CNGA3: variants seen among roughly 807,000 people sequenced by gnomAD.
CNGA3 encodes cyclic nucleotide gated channel subunit alpha 3, also known as cyclic nucleotide-gated channel alpha-3.
A neutral mutation model predicts 46.6 loss-of-function variants in CNGA3; 42 were observed. That is an observed-to-expected ratio of 0.90 (90% confidence interval 0.70 to 1.17). The LOEUF (loss-of-function observed/expected upper bound fraction) is 1.17, where lower values mean the gene tolerates loss of function less well. Ranked by LOEUF, CNGA3 falls within the 50% of genes most tolerant of loss-of-function variation. CNGA3 has a pLI of 0.00. For synonymous variants in CNGA3, 394 were observed against 369.4 expected, an observed-to-expected ratio of 1.07 and a Z score of -0.76; for missense variants, 893 against 890.7, an observed-to-expected ratio of 1.00 and a Z score of -0.03.
At chr2:98,386,977 C>G (rs1692668974) in intron 5 of CNGA3, among the ~76,000 whole-genome samples, 1 of 152,208 alleles carries the variant, frequency 6.6e-6, no homozygotes, top group East Asian at 1.9e-4. Context: ...GTGAGATCCA[C>G]AGTAGACTTC....
At position 98,396,206 on chromosome 2, in the gene CNGA3, G is replaced by T. The variant is rs775262372; in HGVS notation, c.1036G>T (p.Gly346Trp). The change falls in exon 8 of 8, where the codon GGG (glycine) becomes TGG (tryptophan). Residue 346 changes from glycine to tryptophan, a missense_variant. By Grantham distance (184) the Gly-to-Trp change is radical. Around this residue, in one of 3 missense-constraint regions of CNGA3, gnomAD observed 548 missense variants for 570.8 expected, o/e 0.96. Coordinates refer to ENST00000272602, the MANE Select transcript of CNGA3 (RefSeq NM_001298.3). ...CCCAAACATCTCAATCCCAGAGCAT[G>T]GGCGCCTCTCCAGGAAGTACATTTA... The part of the protein sequence containing the change: ...VYPNISIPEH[G>W]RLSRKYIYSL... 3.7e-6 allele frequency: 6 copies of T among 1,614,160 alleles called. No homozygotes were observed. Among genetic ancestry groups the T allele is most frequent in the Non-Finnish European group, 5.1e-6 (6 of 1,180,030 alleles).
chr2:98,361,188 C>T (rs2104147529), intron 1 of CNGA3, among the ~76,000 whole-genome samples: 1 of 152,154 alleles, frequency 6.6e-6, no homozygotes, highest in Admixed American at 6.5e-5. Flanking sequence ...CCCTGCCACC[C>T]CTGGAGAGGC....
In CNGA3 at chr2:98,398,351, T is replaced by C. The variant is rs1015274731; in HGVS notation, c.*1096T>C. The stretch of plus-strand genomic sequence containing the variant: ...AGATTTATATTTTTGAGTTCCGTGA[T>C]TGCAAATTATGACCTCAAATTCCAT... On this transcript the variant is annotated 3_prime_UTR_variant, in exon 8 of 8. Transcript: ENST00000272602. 2 of 152,216 alleles carry C rather than the reference T, an allele frequency of 1.3e-5. No individual in the cohort carries two copies. Among genetic ancestry groups the C allele is most frequent in the African/African-American group, 4.8e-5 (2 of 41,452 alleles). The allele number at this position is 152,216 out of a possible 1,614,324, so 9.4% of individuals were successfully genotyped here.
At position 98,396,841 on chromosome 2, in the gene CNGA3, G is replaced by A; in HGVS notation, c.1671G>A (p.Gly557=). 7 of 1,614,170 alleles carry A rather than the reference G, an allele frequency of 4.3e-6. No individual in the cohort carries two copies. The Middle Eastern group carries it at 8.2e-4, about 190-fold the overall frequency. Residue 557 remains glycine (G), a synonymous_variant, in exon 8 of 8, where the codon GGG becomes GGA. Transcript: ENST00000272602. The part of the protein sequence containing the change: ...FGEISILNIK[G]SKSGNRRTAN... ...AGATCAGCATTCTGAACATCAAGGG[G>A]AGCAAGTCGGGGAACCGCAGGACGG...
At chr2:98,386,977 CAGT>C (rs1191659979) in intron 5 of CNGA3, among the ~76,000 whole-genome samples, 15 of 152,208 alleles carry the variant, frequency 9.9e-5, no homozygotes, top group Non-Finnish European at 1.8e-4. Context: ...GTGAGATCCA[CAGT>C]AGACTTCTGA....
At chr2:98,347,485 T>C (rs537271777) in intron 1 of CNGA3, among the ~76,000 whole-genome samples, 20 of 152,270 alleles carry the variant, frequency 1.3e-4, no homozygotes, top group African/African-American at 4.8e-4. Context: ...CCCTGTGTAA[T>C]CTCCCTACTG....
chr2:98,393,340 G>A (rs543502391), intron 7 of CNGA3, among the ~76,000 whole-genome samples: 10 of 152,314 alleles, frequency 6.6e-5, no homozygotes, highest in Admixed American at 2.0e-4. Context: ...TTTCAAGTGC[G>A]TCTTGCTTCT....
chr2:98,351,331 G>A (rs1276433425), intron 1 of CNGA3, among the ~76,000 whole-genome samples: 2 of 152,204 alleles, frequency 1.3e-5, no homozygotes, highest in Non-Finnish European at 2.9e-5. Flanking sequence ...GAGGGACCCA[G>A]TGGGAGGTAA....
In CNGA3 at chr2:98,398,429, T is replaced by TCTTTCCTTTTTCCTTTCTTCTTC. The variant is rs1692974870; in HGVS notation, c.*1186_*1208dup. The TCTTTCCTTTTTCCTTTCTTCTTC allele has an allele frequency of 1.3e-5, 2 of 152,232 alleles. No homozygotes were observed. 9.4% of individuals were successfully genotyped at this position (152,232 alleles called of 1,614,324 possible). A position where few individuals can be genotyped will look rare whatever the true frequency, so the allele number is the denominator to read the frequency against. ...TACCCAAAGATGAGTCTTTCTTCTT[T>TCTTTCCTTTTTCCTTTCTTCTTC]CTTTCCTTTTTCCTTTCTTCTTCCT... On this transcript the variant is annotated 3_prime_UTR_variant, in exon 8 of 8. Transcript: ENST00000272602.
intron 3 of CNGA3, chr2:98,378,284 C>A: frequency 1.4e-6 from 2 of 1,458,152 alleles, no homozygotes; most frequent in Admixed American, 2.3e-5. Flanking sequence ...TCTGCTTCCC[C>A]CTGATGACAT....
chr2:98,394,761 C>G (rs557553209), intron 7 of CNGA3, among the ~76,000 whole-genome samples: 1 of 152,348 alleles, frequency 6.6e-6, no homozygotes, highest in Non-Finnish European at 1.5e-5. Flanking sequence ...CAAACTCACT[C>G]TGCCAAAGGG....
Position 98,396,409 on chromosome 2 carries a change from C to T in CNGA3, c.1239C>T (p.Phe413=). The change falls in exon 8 of 8, where the codon TTC becomes TTT. Residue 413 remains phenylalanine (F), a synonymous_variant. Transcript: ENST00000272602. ...ISNMNASRAE[F]QAKIDSIKQY... is the part of the protein sequence containing the mutation. ...ATATGAATGCCTCACGGGCAGAGTT[C>T]CAGGCCAAGATTGATTCCATCAAGC... The T allele has an allele frequency of 6.2e-7, 1 of 1,613,944 alleles. No homozygotes were observed. Among genetic ancestry groups the T allele is most frequent in the East Asian group, 2.2e-5 (1 of 44,864 alleles).
chr2:98,375,761 C>T (rs921800573), intron 2 of CNGA3, among the ~76,000 whole-genome samples: 1 of 152,182 alleles, frequency 6.6e-6, no homozygotes, highest in African/African-American at 2.4e-5. Context: ...ATTTCCTTTT[C>T]ATCTGTGCCA....
In CNGA3 at chr2:98,397,829, C is replaced by T. The variant is rs13429817; in HGVS notation, c.*574C>T. ...AGTGCTATGGCAAGTAGAAGTTCTG[C>T]CGGATGGAAAGAGGCTGCCCCATTT... On this transcript the variant is annotated 3_prime_UTR_variant, in exon 8 of 8. Transcript: ENST00000272602. 0.035 allele frequency: 5,514 copies of T among 157,208 alleles called. 337 individuals are homozygous for T. The highest frequency in any genetic ancestry group is 0.12 in the African/African-American group (5,175 of 41,484). The allele number at this position is 157,208 out of a possible 1,614,324, so 9.7% of individuals were successfully genotyped here.
At chr2:98,389,384 C>T (rs1692730479) in intron 5 of CNGA3, among the ~76,000 whole-genome samples, 2 of 152,138 alleles carry the variant, frequency 1.3e-5, no homozygotes, top group Non-Finnish European at 2.9e-5. Flanking sequence ...TGGATGTTGT[C>T]GTGGGCACAT....
intron 1 of CNGA3, among the ~76,000 whole-genome samples, chr2:98,348,958 T>C (rs1691709762): frequency 6.6e-6 from 1 of 152,156 alleles, no homozygotes; most frequent in Non-Finnish European, 1.5e-5. Context: ...AGCAAGGTTA[T>C]GTTGCAACTG....
At position 98,378,280 on chromosome 2, in the gene CNGA3, T is replaced by C. The variant is rs1448912786; in HGVS notation, c.215+480T>C. ...GATTAGTGAGACTCCAAGCTCTGCT[T>C]CCCCCTGATGACATCCGTACTCCAG... On this transcript the variant is annotated intron_variant, in intron 3 of 7. Transcript: ENST00000272602. 82 of 1,480,330 alleles carry C rather than the reference T, an allele frequency of 5.5e-5. 1 individual carries two copies. Among genetic ancestry groups the C allele is most frequent in the Non-Finnish European group, 6.4e-6 (7 of 1,101,732 alleles). 91.7% of individuals were successfully genotyped at this position (1,480,330 alleles called of 1,614,324 possible).
intron 1 of CNGA3, among the ~76,000 whole-genome samples, chr2:98,351,645 T>C (rs1691772892): frequency 6.6e-6 from 1 of 152,196 alleles, no homozygotes; most frequent in Non-Finnish European, 1.5e-5. Context: ...CATAAGGTTA[T>C]TGAAAAGATA....
intron 1 of CNGA3, among the ~76,000 whole-genome samples, chr2:98,367,352 G>A (rs1284084985): frequency 6.6e-6 from 1 of 151,388 alleles, no homozygotes; most frequent in Non-Finnish European, 1.5e-5. Context: ...CCACCACCAC[G>A]CCCGGCTAAT....
Sources: allele counts gnomAD v4.1 joint callset (sites outside exome capture counted in the v4.1 genomes callset), GRCh38; gene constraint gnomAD v4.1.1; regional missense constraint gnomAD v4.1.1; transcripts MANE v1.5; gene names NCBI Gene and HGNC (gene_info 2026-07-23, HGNC 2026-07-21).